The following CDH7 variants were observed in gnomAD, a reference collection of about 807,000 sequenced individuals.
CDH7 encodes the protein cadherin 7.
A neutral mutation model predicts 71.8 loss-of-function variants in CDH7; 25 were observed. The ratio of observed to expected loss-of-function variants is 0.35; its 90% CI spans 0.25 to 0.49. CDH7 has a LOEUF of 0.49. Ranked by LOEUF, CDH7 falls within the 20% of genes least tolerant of loss-of-function variation. The pLI, the probability that CDH7 is intolerant of heterozygous loss-of-function variation, is 0.99. For synonymous variants in CDH7, 381 were observed against 363.8 expected, an observed-to-expected ratio of 1.05 and a Z score of -0.54; for missense variants, 862 against 974.6, an observed-to-expected ratio of 0.88 and a Z score of 1.54.
intron 6 of CDH7, among the ~76,000 whole-genome samples, chr18:65,839,514 A>C (rs76172955): frequency 6.6e-6 from 1 of 152,262 alleles, no homozygotes; most frequent in Non-Finnish European, 1.5e-5. Context: ...ATTTGAACAT[A>C]TGAATTTTTG....
rs1599073542 is a variant in CDH7 at position 65,883,230 on chromosome 18, T to A, written c.*2336T>A. On this transcript the variant is annotated 3_prime_UTR_variant, in exon 12 of 12. Transcript: ENST00000397968. ...CATTTCATTCAGTGGTATTTTTTAA[T>A]TAAAAAAATTAATTTAAAAAATTAA... 1 of 152,000 alleles carries A rather than the reference T, an allele frequency of 6.6e-6. No homozygotes were observed. The highest frequency in any genetic ancestry group is 2.4e-5 in the African/African-American group (1 of 41,414). The allele number at this position is 152,000 out of a possible 1,614,324, so 9.4% of individuals were successfully genotyped here.
chr18:65,782,000 C>T lies in CDH7; in HGVS notation c.210+18948C>T, dbSNP rs1210458859. On this transcript the variant is annotated intron_variant, in intron 2 of 11. Coordinates refer to ENST00000397968, the MANE Select transcript of CDH7 (RefSeq NM_004361.5). The stretch of plus-strand genomic sequence containing the variant: ...TCTCTCTCTCTCTTTCTCTCTTTCT[C>T]TCTTTCTCTCTTTCTCTCTCTCTTT... Among the ~76,000 whole-genome samples the T allele has an allele frequency of 1.5e-3, 106 of 72,184 alleles. 8 individuals are homozygous for T. Among genetic ancestry groups the T allele is most frequent in the South Asian group, 3.8e-3 (7 of 1,852 alleles). 47.4% of individuals were successfully genotyped at this position (72,184 alleles called of 152,430 possible).
chr18:65,808,847 T>C (rs1163929163), intron 2 of CDH7, among the ~76,000 whole-genome samples: 1 of 152,182 alleles, frequency 6.6e-6, no homozygotes, highest in African/African-American at 2.4e-5. Context: ...ATTGTTGAAA[T>C]GACGGATTGA....
intron 2 of CDH7, among the ~76,000 whole-genome samples, chr18:65,786,187 A>G (rs1910506725): frequency 6.6e-6 from 1 of 151,928 alleles, no homozygotes; most frequent in Non-Finnish European, 1.5e-5. Context: ...TGATTATATC[A>G]GGGAGATCAA....
At chr18:65,788,206 G>C (rs1910582700) in intron 2 of CDH7, among the ~76,000 whole-genome samples, 1 of 152,012 alleles carries the variant, frequency 6.6e-6, no homozygotes. Context: ...GCAAAGCATG[G>C]GCTAAAATGA....
chr18:65,841,405 GAATA>G (rs1912728050), intron 6 of CDH7, among the ~76,000 whole-genome samples: 6 of 152,094 alleles, frequency 3.9e-5, no homozygotes, highest in Admixed American at 3.9e-4. Flanking sequence ...GTGAAAACCT[GAATA>G]AATAACTTAA....
rs1261474461 is a variant in CDH7, at chr18:65,883,218, G to T, written c.*2324G>T. 1.3e-5 allele frequency: 2 copies of T among 151,504 alleles called. No homozygotes were observed. The highest frequency in any genetic ancestry group is 2.4e-5 in the African/African-American group (1 of 41,240). The allele number at this position is 151,504 out of a possible 1,614,324, so 9.4% of individuals were successfully genotyped here. A position where few individuals can be genotyped will look rare whatever the true frequency, so the allele number is the denominator to read the frequency against. On this transcript the variant is annotated 3_prime_UTR_variant, in exon 12 of 12. Transcript: ENST00000397968. ...AATACAGTATTACATTTCATTCAGT[G>T]GTATTTTTTAATTAAAAAAATTAAT...
intron 2 of CDH7, among the ~76,000 whole-genome samples, chr18:65,778,957 C>T (rs947568721): frequency 5.9e-5 from 9 of 151,914 alleles, no homozygotes; most frequent in Non-Finnish European, 1.2e-4. Context: ...CCATGCCTGT[C>T]CTTTGCAGGA....
At position 65,880,384 on chromosome 18, in the gene CDH7, C is replaced by G. The variant is rs1440919743; in HGVS notation, c.1865-17C>G. ...GTGAGTTTACTGAAACTTTCTCTTC[C>G]TGTCTTATTGTTTCAGTGTTGATCC... is the stretch of plus-strand genomic sequence containing the variant. On this transcript the variant is annotated splice_polypyrimidine_tract_variant and intron_variant, in intron 11 of 11. Transcript: ENST00000397968. 1.3e-6 allele frequency: 2 copies of G among 1,518,456 alleles called. No individual in the cohort carries two copies. Among genetic ancestry groups the G allele is most frequent in the African/African-American group, 1.4e-5 (1 of 71,586 alleles). 94.1% of individuals were successfully genotyped at this position (1,518,456 alleles called of 1,614,324 possible).
intron 7 of CDH7, among the ~76,000 whole-genome samples, chr18:65,852,139 A>G (rs1425271741): frequency 6.7e-6 from 1 of 149,840 alleles, no homozygotes; most frequent in East Asian, 1.9e-4. Flanking sequence ...ATGAGTTTAG[A>G]TAGGAAAGCA....
chr18:65,802,661 C>T (rs1374592285), intron 2 of CDH7, among the ~76,000 whole-genome samples: 1 of 152,158 alleles, frequency 6.6e-6, no homozygotes, highest in Non-Finnish European at 1.5e-5. Flanking sequence ...GAACATGAAG[C>T]ATTCACAATT....
At chr18:65,877,205 G>A (rs542493779) in intron 11 of CDH7, among the ~76,000 whole-genome samples, 7 of 151,940 alleles carry the variant, frequency 4.6e-5, no homozygotes, top group African/African-American at 1.4e-4. Context: ...GTTTTTCTTT[G>A]CCTTGGACAA....
chr18:65,767,880 T>C (rs1308467636), intron 2 of CDH7, among the ~76,000 whole-genome samples: 2 of 152,234 alleles, frequency 1.3e-5, no homozygotes, highest in African/African-American at 4.8e-5. Context: ...ACATGTTAGA[T>C]TGTGCCACTA....
intron 6 of CDH7, among the ~76,000 whole-genome samples, chr18:65,837,744 A>G (rs1912581866): frequency 6.6e-6 from 1 of 152,148 alleles, no homozygotes; most frequent in African/African-American, 2.4e-5. Flanking sequence ...CAGGGAAATA[A>G]GAAAATAGAA....
At position 65,762,904 on chromosome 18, in the gene CDH7, T is replaced by C. The variant is rs1442041698; in HGVS notation, c.62T>C (p.Phe21Ser). The C allele has an allele frequency of 2.5e-6, 4 of 1,613,576 alleles. No homozygotes were observed. The highest frequency in any genetic ancestry group is 3.4e-6 in the Non-Finnish European group (4 of 1,179,810). The stretch of plus-strand genomic sequence containing the variant: ...CAGCTAATAGCTCTTTTCCTGTGTT[T>C]TTCTGGGATGAGTCAAGCAGAACTC... ...FLQLIALFLC[F>S]SGMSQAELSR... The change falls in exon 2 of 12, where the codon TTT (phenylalanine) becomes TCT (serine). Residue 21 changes from phenylalanine to serine, a missense_variant. Physicochemically the swap from Phe to Ser is radical, Grantham distance 155. Transcript: ENST00000397968.
At chr18:65,867,274 A>T (rs1913793249) in intron 11 of CDH7, among the ~76,000 whole-genome samples, 1 of 152,074 alleles carries the variant, frequency 6.6e-6, no homozygotes, top group Admixed American at 6.6e-5. Context: ...TGACCTCGTG[A>T]TCCACCCGCC....
At chr18:65,844,498 G>A (rs1912866459) in intron 7 of CDH7, among the ~76,000 whole-genome samples, 2 of 151,742 alleles carry the variant, frequency 1.3e-5, no homozygotes, top group Admixed American at 1.3e-4. Context: ...TGGTCTACTT[G>A]AACAGTATAT....
chr18:65,768,344 C>G lies in CDH7; in HGVS notation c.210+5292C>G, dbSNP rs142388565. Among the ~76,000 whole-genome samples the G allele has an allele frequency of 7.8e-3, 1,180 of 152,158 alleles. 14 individuals are homozygous for G. Among genetic ancestry groups the G allele is most frequent in the African/African-American group, 0.027 (1,132 of 41,528 alleles). ...TCCGCCTCCCGGTTCAAGCAATTCT[C>G]CTGCCTCAGCCTCCCCAGTATCTGG... is the stretch of plus-strand genomic sequence containing the variant. On this transcript the variant is annotated intron_variant, in intron 2 of 11. Coordinates refer to ENST00000397968, the MANE Select transcript of CDH7 (RefSeq NM_004361.5).
rs561653032 is a variant in CDH7 at position 65,830,595 on chromosome 18, T to TC, written c.981+5770dup. ...CTCCTTCCTTCCCTCTCTCCTTCCC[T>TC]CCCCCCTTCCCTTTCCTTCCCTTCC... is the stretch of plus-strand genomic sequence containing the variant. On this transcript the variant is annotated intron_variant, in intron 6 of 11. Transcript: ENST00000397968. 2.5e-3 allele frequency among the ~76,000 whole-genome samples: 216 copies of TC among 84,962 alleles called. 2 individuals carry two copies. The highest frequency in any genetic ancestry group is 7.7e-3 in the African/African-American group (211 of 27,556). 55.7% of individuals were successfully genotyped at this position (84,962 alleles called of 152,430 possible).
Sources: allele counts gnomAD v4.1 joint callset (sites outside exome capture counted in the v4.1 genomes callset), GRCh38; gene constraint gnomAD v4.1.1; transcripts MANE v1.5; gene names NCBI Gene and HGNC (gene_info 2026-07-23, HGNC 2026-07-21).